The following POLR3G variants were observed in gnomAD, a reference collection of about 807,000 sequenced individuals.
POLR3G encodes the protein DNA-directed RNA polymerase III subunit RPC7.
In POLR3G, 28 loss-of-function variants were observed where a neutral mutation model predicts 30.1. The ratio of observed to expected loss-of-function variants is 0.93; its 90% CI spans 0.69 to 1.27. The LOEUF is 1.27. POLR3G is among the 50% of genes most tolerant of loss of function. The pLI, the probability that POLR3G is intolerant of heterozygous loss-of-function variation, is 0.00. For synonymous variants in POLR3G, 79 were observed against 82.5 expected (o/e 0.96, Z 0.23); for missense variants, 254 against 264.6 (o/e 0.96, Z 0.28).
At chr5:90,503,935 T>C (rs551840193) in intron 6 of POLR3G, among the ~76,000 whole-genome samples, 4 of 152,326 alleles carry the variant, frequency 2.6e-5, no homozygotes, top group African/African-American at 4.8e-5. Context: ...TCAGTATCTT[T>C]ATATTATTCA....
chr5:90,506,608 A>T lies in POLR3G; in HGVS notation c.519A>T (p.Glu173Asp). 6.2e-7 allele frequency: 1 copy of T among 1,613,906 alleles called. No homozygotes were observed. Among genetic ancestry groups the T allele is most frequent in the Non-Finnish European group, 8.5e-7 (1 of 1,179,894 alleles). ...EKEGSKEKSK[E>D]GDDDDDDDAA... The stretch of plus-strand genomic sequence containing the variant: ...AAGGAAGCAAAGAGAAAAGTAAAGA[A>T]GGTGATGATGACGATGACGATGATG... Residue 173 changes from glutamate to aspartate, a missense_variant, in exon 7 of 8, where the codon GAA (glutamate) becomes GAT (aspartate). Physicochemically the swap from Glu to Asp is conservative, Grantham distance 45. Transcript: ENST00000651687.
At position 90,498,466 on chromosome 5, in the gene POLR3G, A is replaced by G. The variant is rs187805136; in HGVS notation, c.355+760A>G. On this transcript the variant is annotated intron_variant, in intron 5 of 7. Coordinates refer to ENST00000651687, the MANE Select transcript of POLR3G (RefSeq NM_006467.3). ...GTAGTTCACTGTGTCTGTTGTTCCC[A>G]TGTTTATGTCCATGTGTGCTCAGTG... is the stretch of plus-strand genomic sequence containing the variant. 2.7e-3 allele frequency among the ~76,000 whole-genome samples: 413 copies of G among 151,912 alleles called. 1 individual carries two copies. The highest frequency in any genetic ancestry group is 9.6e-3 in the African/African-American group (399 of 41,404).
chr5:90,495,310 C>T (rs923963056), intron 3 of POLR3G, among the ~76,000 whole-genome samples: 1 of 152,124 alleles, frequency 6.6e-6, no homozygotes, highest in Non-Finnish European at 1.5e-5. Flanking sequence ...CCAACTTGTG[C>T]TGCTGGAAAA....
At chr5:90,480,130 G>A (rs1473876682) in intron 1 of POLR3G, among the ~76,000 whole-genome samples, 1 of 152,184 alleles carries the variant, frequency 6.6e-6, no homozygotes, top group Non-Finnish European at 1.5e-5. Context: ...ATGAAATTGG[G>A]CCATATGAAG....
chr5:90,488,459 T>C (rs539043800), intron 3 of POLR3G, among the ~76,000 whole-genome samples: 49 of 152,240 alleles, frequency 3.2e-4, no homozygotes, highest in African/African-American at 1.2e-3. Flanking sequence ...TTCTTATGCA[T>C]GTATATTCTC....
chr5:90,503,168 T>C (rs1752333995), intron 6 of POLR3G, among the ~76,000 whole-genome samples: 1 of 152,206 alleles, frequency 6.6e-6, no homozygotes, highest in Admixed American at 6.5e-5. Context: ...TGATGAGCTC[T>C]TTACATATGT....
intron 1 of POLR3G, among the ~76,000 whole-genome samples, chr5:90,478,586 T>TTTTTTTTTTTTTTGG (rs70999487): frequency 6.8e-6 from 1 of 146,924 alleles, no homozygotes; most frequent in Admixed American, 6.8e-5. Flanking sequence ...TTTTTTTTTT[T>TTTTTTTTTTTTTTGG]GAGAGGGAGC....
At chr5:90,496,552 G>A (rs1193267707) in intron 4 of POLR3G, among the ~76,000 whole-genome samples, 1 of 152,186 alleles carries the variant, frequency 6.6e-6, no homozygotes, top group African/African-American at 2.4e-5. Flanking sequence ...CTTGGGTATG[G>A]ACAAGTTAGA....
chr5:90,487,378 ATTTTTTTTTTTTTTT>A (rs59951999), intron 2 of POLR3G, among the ~76,000 whole-genome samples: 6 of 57,020 alleles, frequency 1.1e-4, no homozygotes, highest in Non-Finnish European at 1.8e-4. Flanking sequence ...TGGTACATTA[ATTTTTTTTTTTTTTT>A]TTTTTTTTTT....
At chr5:90,508,086 T>G (rs1356857537) in intron 7 of POLR3G, among the ~76,000 whole-genome samples, 1 of 152,220 alleles carries the variant, frequency 6.6e-6, no homozygotes, top group Admixed American at 6.5e-5. Flanking sequence ...TCACAGAAAT[T>G]GATGCCCCTC....
chr5:90,497,567 G>C, intron 4 of POLR3G, 89 bp from the exon 5 acceptor site: 1 of 1,433,918 alleles, frequency 7.0e-7, no homozygotes, highest in Non-Finnish European at 9.2e-7. Flanking sequence ...TCATTTTCTG[G>C]ACAACTGTTG....
In POLR3G at chr5:90,513,305, C is replaced by T. The variant is rs977749944; in HGVS notation, c.*1166C>T. ...AATATGAGAATCAGATCCCTAGATT[C>T]TATTTCTACCTATACTATTAAACTC... On this transcript the variant is annotated 3_prime_UTR_variant, in exon 8 of 8. Transcript: ENST00000651687. The T allele has an allele frequency of 3.9e-5, 6 of 152,570 alleles. No homozygotes were observed. The highest frequency in any genetic ancestry group is 1.2e-4 in the African/African-American group (5 of 41,450). The allele number at this position is 152,570 out of a possible 1,614,324, so 9.5% of individuals were successfully genotyped here. A position where few individuals can be genotyped will look rare whatever the true frequency, so the allele number is the denominator to read the frequency against.
At chr5:90,494,568 T>G (rs6892000) in intron 3 of POLR3G, among the ~76,000 whole-genome samples, 86,319 of 151,728 alleles carry the variant, frequency 0.57, 24,855 homozygotes, top group African/African-American at 0.65. Context: ...ATTTTTTTTT[T>G]ATTCTAGCCA....
Position 90,488,026 on chromosome 5 carries a change from G to GA in POLR3G, c.148dup (p.Thr50AsnfsTer5), listed in dbSNP as rs1561250156. On this transcript the variant is annotated frameshift_variant, in exon 3 of 8. Coordinates refer to ENST00000651687, the MANE Select transcript of POLR3G (RefSeq NM_006467.3). LOFTEE classifies it high-confidence loss of function. ...ATACAGATTATAAACCAGTGCCACT[G>GA]AAAACAGGAGAAGGTGAAGAATATA... The GA allele has an allele frequency of 6.2e-7, 1 of 1,606,552 alleles. No homozygotes were observed.
chr5:90,493,742 C>G (rs1226578879), intron 3 of POLR3G, among the ~76,000 whole-genome samples: 1 of 89,344 alleles, frequency 1.1e-5, no homozygotes, highest in Non-Finnish European at 2.1e-5. Flanking sequence ...GAGTCTTGCT[C>G]TGTTACCCAG....
chr5:90,484,447 C>T (rs930986596), intron 1 of POLR3G, among the ~76,000 whole-genome samples: 4 of 152,134 alleles, frequency 2.6e-5, no homozygotes, highest in African/African-American at 9.7e-5. Flanking sequence ...AAAATAGTGC[C>T]TATATTCAAA....
At chr5:90,510,148 A>G (rs1023621800) in intron 7 of POLR3G, among the ~76,000 whole-genome samples, 1 of 152,132 alleles carries the variant, frequency 6.6e-6, no homozygotes, top group African/African-American at 2.4e-5. Flanking sequence ...TCTGTTGACA[A>G]TGTCTGCTTG....
intron 1 of POLR3G, among the ~76,000 whole-genome samples, chr5:90,483,054 T>A (rs542325629): frequency 1.6e-3 from 234 of 149,698 alleles, no homozygotes; most frequent in African/African-American, 5.5e-3. Flanking sequence ...GCAGGAGAAT[T>A]GCTTGAACCC....
At chr5:90,475,218 A>T (rs887315284) in intron 1 of POLR3G, among the ~76,000 whole-genome samples, 198 bp downstream of exon 1, 2 of 152,070 alleles carry the variant, frequency 1.3e-5, no homozygotes, top group African/African-American at 4.8e-5. Flanking sequence ...CAATTTCCAG[A>T]TCTTACCTAG....
Sources: gnomAD v4.1 joint callset for allele counts (sites outside exome capture counted in the v4.1 genomes callset) on GRCh38, gnomAD v4.1.1 for gene constraint, MANE v1.5 for transcripts, NCBI Gene and HGNC (gene_info 2026-07-23, HGNC 2026-07-21) for gene names.